Variants in BMPR1B observed in about 807,000 individuals in gnomAD.
BMPR1B encodes the protein bone morphogenetic protein receptor type-1B.
BMPR1B carries 12 observed loss-of-function variants against 59.1 expected under a neutral mutation model. The observed-to-expected ratio is 0.20, with a 90% CI of 0.13 to 0.33. The LOEUF is 0.33. Ranked by LOEUF, BMPR1B falls within the 10% of genes least tolerant of loss-of-function variation. The pLI is 1.00. For synonymous variants in BMPR1B, 237 were observed against 207.3 expected, an observed-to-expected ratio of 1.14 and a Z score of -1.23; for missense variants, 550 against 610.9, an observed-to-expected ratio of 0.90 and a Z score of 1.05.
At chr4:95,126,490 TC>T (rs1203890358) in intron 8 of BMPR1B, among the ~76,000 whole-genome samples, 2 of 152,154 alleles carry the variant, frequency 1.3e-5, no homozygotes, top group Non-Finnish European at 2.9e-5. Context: ...CATTTAGTCC[TC>T]ATAGCAACCC....
At chr4:94,806,909 G>A (rs1416477592) in intron 1 of BMPR1B, among the ~76,000 whole-genome samples, 1 of 151,832 alleles carries the variant, frequency 6.6e-6, no homozygotes, top group African/African-American at 2.4e-5. Flanking sequence ...TACATTATTA[G>A]CAGTTGATTT....
At chr4:94,992,630 A>T (rs756720103) in intron 2 of BMPR1B, among the ~76,000 whole-genome samples, 3 of 152,220 alleles carry the variant, frequency 2.0e-5, no homozygotes, top group South Asian at 2.1e-4. Context: ...TACTCCCTCT[A>T]GACCACATGC....
chr4:94,962,983 A>G (rs916854977), intron 2 of BMPR1B, among the ~76,000 whole-genome samples: 1 of 152,126 alleles, frequency 6.6e-6, no homozygotes, highest in African/African-American at 2.4e-5. Context: ...ACCAGCATCC[A>G]TTATTACCTG....
intron 3 of BMPR1B, among the ~76,000 whole-genome samples, chr4:95,048,258 A>G (rs1037363238): frequency 1.3e-5 from 2 of 152,118 alleles, no homozygotes; most frequent in African/African-American, 4.8e-5. Flanking sequence ...ATGAACATAT[A>G]AGTGCCCATG....
intron 2 of BMPR1B, among the ~76,000 whole-genome samples, chr4:94,951,635 T>C (rs1420434221): frequency 6.6e-6 from 1 of 152,204 alleles, no homozygotes; most frequent in African/African-American, 2.4e-5. Flanking sequence ...ATAAGGTTTG[T>C]GATGTGCTGC....
At chr4:94,792,047 T>G (rs1462917000) in intron 1 of BMPR1B, among the ~76,000 whole-genome samples, 1 of 152,184 alleles carries the variant, frequency 6.6e-6, no homozygotes, top group East Asian at 1.9e-4. Context: ...AGCTAAGTAG[T>G]TCCTCATTTA....
At chr4:94,798,347 T>C (rs1033390651) in intron 1 of BMPR1B, among the ~76,000 whole-genome samples, 2 of 152,246 alleles carry the variant, frequency 1.3e-5, no homozygotes, top group African/African-American at 2.4e-5. Flanking sequence ...AAGGGACTGC[T>C]GCTACCACTC....
intron 2 of BMPR1B, among the ~76,000 whole-genome samples, chr4:94,924,355 A>G (rs17022601): frequency 0.06 from 9,067 of 152,198 alleles, 923 homozygotes; most frequent in African/African-American, 0.21. Flanking sequence ...TCTCAACATT[A>G]TAAAACTTGG....
intron 3 of BMPR1B, chr4:95,051,712 G>A: frequency 1.3e-6 from 2 of 1,535,602 alleles, no homozygotes; most frequent in Non-Finnish European, 1.7e-6. Context: ...GGGTTGGCTG[G>A]AAGAACTAAA....
chr4:95,102,111 A>T (rs1012576616), intron 3 of BMPR1B, among the ~76,000 whole-genome samples: 1 of 152,240 alleles, frequency 6.6e-6, no homozygotes, highest in African/African-American at 2.4e-5. Context: ...TGTAAATATG[A>T]GTTGTTATAA....
intron 1 of BMPR1B, among the ~76,000 whole-genome samples, chr4:94,796,954 C>G (rs1199170957): frequency 2.6e-5 from 4 of 152,048 alleles, no homozygotes; most frequent in African/African-American, 9.7e-5. Flanking sequence ...TGTTGGAGTA[C>G]TCAGAATTCA....
intron 6 of BMPR1B, among the ~76,000 whole-genome samples, chr4:95,118,346 A>T (rs1732224682): frequency 6.6e-6 from 1 of 151,974 alleles, no homozygotes; most frequent in African/African-American, 2.4e-5. Context: ...CCATATACAC[A>T]TGTACAGTTT....
At chr4:94,848,182 T>C (rs2148943941) in intron 1 of BMPR1B, among the ~76,000 whole-genome samples, 1 of 104,128 alleles carries the variant, frequency 9.6e-6, no homozygotes, top group African/African-American at 4.9e-5. Context: ...AGGATTTTAT[T>C]AGGAATTAGA....
At chr4:94,758,663 T>C (rs1023559965) in intron 1 of BMPR1B, among the ~76,000 whole-genome samples, 5 of 152,188 alleles carry the variant, frequency 3.3e-5, no homozygotes, top group African/African-American at 1.2e-4. Flanking sequence ...GCTCCGTCTC[T>C]GCTTCAGTTG....
intron 1 of BMPR1B, among the ~76,000 whole-genome samples, chr4:94,849,818 G>GTGTA (rs1725499895): frequency 6.6e-6 from 1 of 151,892 alleles, no homozygotes; most frequent in Non-Finnish European, 1.5e-5. Flanking sequence ...GTGTGTGTGT[G>GTGTA]TGTTTTAGTT....
At chr4:94,874,789 C>T (rs1313366787) in intron 1 of BMPR1B, among the ~76,000 whole-genome samples, 3 of 151,876 alleles carry the variant, frequency 2.0e-5, no homozygotes, top group African/African-American at 7.3e-5. Context: ...GTCAGGAGTT[C>T]GAGACCAGCC....
rs1242727153 is a variant in BMPR1B at position 95,157,911 on chromosome 4, CAG to C, written c.*3239_*3240del. ...AGAAAACATGCTGAGATTTTATTTA[CAG>C]GGAATTCTTTGACACATTTCAATTG... On this transcript the variant is annotated 3_prime_UTR_variant, in exon 13 of 13. Transcript: ENST00000515059. The C allele has an allele frequency of 1.3e-5, 2 of 152,052 alleles. No individual in the cohort carries two copies. Among genetic ancestry groups the C allele is most frequent in the East Asian group, 3.9e-4 (2 of 5,178 alleles). 9.4% of individuals were successfully genotyped at this position (152,052 alleles called of 1,614,324 possible).
chr4:94,970,787 A>C (rs1730763639), intron 2 of BMPR1B, among the ~76,000 whole-genome samples: 1 of 152,200 alleles, frequency 6.6e-6, no homozygotes, highest in Admixed American at 6.5e-5. Context: ...TTGTTTTGGG[A>C]ACATTCCAAA....
intron 3 of BMPR1B, among the ~76,000 whole-genome samples, chr4:95,067,477 T>C (rs1239913369): frequency 6.6e-6 from 1 of 152,178 alleles, no homozygotes; most frequent in African/African-American, 2.4e-5. Flanking sequence ...GAAACCTATG[T>C]TGAATCTAAA....
Sources: allele counts gnomAD v4.1 joint callset (sites outside exome capture counted in the v4.1 genomes callset), GRCh38; gene constraint gnomAD v4.1.1; transcripts MANE v1.5; gene names NCBI Gene and HGNC (gene_info 2026-07-23, HGNC 2026-07-21).